GALNT1: variants seen among roughly 807,000 people sequenced by gnomAD.
GALNT1 encodes the protein polypeptide N-acetylgalactosaminyltransferase 1.
In GALNT1, 17 loss-of-function variants were observed where a neutral mutation model predicts 65.7. That is an observed-to-expected ratio of 0.26 (90% CI 0.18 to 0.39). GALNT1 has a LOEUF of 0.39. Ranked by LOEUF, GALNT1 falls within the 10% of genes least tolerant of loss-of-function variation. GALNT1 has a pLI of 1.00. For synonymous variants in GALNT1, 210 were observed against 219.7 expected (o/e 0.96, Z 0.39); for missense variants, 460 against 672.8 (o/e 0.68, Z 3.50).
chr18:35,656,862 C>G (rs2047395671), intron 2 of GALNT1, among the ~76,000 whole-genome samples: 1 of 152,044 alleles, frequency 6.6e-6, no homozygotes, highest in South Asian at 2.1e-4. Context: ...GGAACAGACA[C>G]TAAAATGACA....
chr18:35,584,851 C>T (rs1031021998), intron 1 of GALNT1, among the ~76,000 whole-genome samples: 1 of 152,206 alleles, frequency 6.6e-6, no homozygotes. Context: ...CGCTTGCCCA[C>T]TGCTCACCTC....
In GALNT1 at chr18:35,709,711, A is replaced by G; in HGVS notation, c.1621A>G (p.Asn541Asp). The G allele has an allele frequency of 1.2e-6, 2 of 1,614,074 alleles. No homozygotes were observed. Among genetic ancestry groups the G allele is most frequent in the South Asian group, 2.2e-5 (2 of 91,072 alleles). ...DSQVPSIRDC[N>D]GSRSQQWLLR... The stretch of plus-strand genomic sequence containing the variant: ...CCAGGTGCCCAGCATTAGAGACTGC[A>G]ATGGAAGTCGGTCCCAGCAGTGGCT... The change falls in exon 12 of 12, where the codon AAT becomes GAT. Residue 541 changes from asparagine to aspartate, a missense_variant. Physicochemically the swap from Asn to Asp is conservative, Grantham distance 23. Transcript: ENST00000269195.
At chr18:35,644,582 T>C (rs2047205888) in intron 1 of GALNT1, among the ~76,000 whole-genome samples, 1 of 152,232 alleles carries the variant, frequency 6.6e-6, no homozygotes, top group African/African-American at 2.4e-5. Flanking sequence ...TTTTTAATTA[T>C]ATGGAAAGCC....
chr18:35,637,554 A>G (rs1400776105), intron 1 of GALNT1, among the ~76,000 whole-genome samples: 1 of 152,240 alleles, frequency 6.6e-6, no homozygotes, highest in Non-Finnish European at 1.5e-5. Context: ...TGCAGAAGAA[A>G]AGTTTGAAGC....
At chr18:35,584,926 G>A (rs746225959) in intron 1 of GALNT1, among the ~76,000 whole-genome samples, 8 of 152,216 alleles carry the variant, frequency 5.3e-5, no homozygotes. Flanking sequence ...GGGGGTTGGG[G>A]ACCCCTGTAT....
intron 1 of GALNT1, among the ~76,000 whole-genome samples, chr18:35,611,063 G>C (rs1283921043): frequency 1.3e-5 from 2 of 152,034 alleles, no homozygotes; most frequent in Non-Finnish European, 2.9e-5. Context: ...ATAGGGTGGG[G>C]GTCTTTGTAC....
At chr18:35,611,495 A>G (rs914747149) in intron 1 of GALNT1, among the ~76,000 whole-genome samples, 6 of 152,210 alleles carry the variant, frequency 3.9e-5, no homozygotes, top group African/African-American at 1.4e-4. Context: ...TATTTATGTA[A>G]TCGAATGTTA....
chr18:35,675,431 A>G (rs2047697307), intron 3 of GALNT1, among the ~76,000 whole-genome samples: 2 of 152,154 alleles, frequency 1.3e-5, no homozygotes, highest in Non-Finnish European at 2.9e-5. Flanking sequence ...TCTGGATCCT[A>G]ATATTGCTTC....
chr18:35,657,075 A>G (rs1255206530), intron 2 of GALNT1, among the ~76,000 whole-genome samples: 1 of 150,072 alleles, frequency 6.7e-6, no homozygotes. Flanking sequence ...TGAGTTTGGA[A>G]TTTTTTTTTT....
chr18:35,587,814 GT>G (rs2143841608), intron 1 of GALNT1, among the ~76,000 whole-genome samples: 1 of 152,214 alleles, frequency 6.6e-6, no homozygotes, highest in African/African-American at 2.4e-5. Flanking sequence ...TCTCAGCACT[GT>G]TTTCTCTGTG....
At chr18:35,627,940 G>A (rs892745511) in intron 1 of GALNT1, among the ~76,000 whole-genome samples, 6 of 145,946 alleles carry the variant, frequency 4.1e-5, no homozygotes, top group African/African-American at 1.2e-4. Context: ...CTGGCTCGGA[G>A]GGTCCTACGC....
intron 9 of GALNT1, among the ~76,000 whole-genome samples, chr18:35,698,936 C>T (rs574752052): frequency 4.6e-5 from 7 of 152,150 alleles, no homozygotes; most frequent in African/African-American, 1.4e-4. Context: ...GAGCCGATGT[C>T]GCACCATTGC....
chr18:35,651,409 A>AT (rs2047309973), intron 1 of GALNT1, among the ~76,000 whole-genome samples: 1 of 152,196 alleles, frequency 6.6e-6, no homozygotes, highest in African/African-American at 2.4e-5. Flanking sequence ...TTTGTAATAT[A>AT]TTAATTTTTT....
At chr18:35,590,303 G>C (rs545596956) in intron 1 of GALNT1, among the ~76,000 whole-genome samples, 8 of 152,098 alleles carry the variant, frequency 5.3e-5, no homozygotes, top group Non-Finnish European at 1.0e-4. Flanking sequence ...CTTATAAATC[G>C]TTATGAGACT....
intron 1 of GALNT1, among the ~76,000 whole-genome samples, chr18:35,582,874 A>G (rs1211504638): frequency 5.9e-5 from 9 of 152,214 alleles, no homozygotes; most frequent in Admixed American, 1.3e-4. Context: ...TGGACTGTCC[A>G]GCGTGGGAGC....
chr18:35,589,041 G>A (rs1041704883), intron 1 of GALNT1, among the ~76,000 whole-genome samples: 13 of 152,014 alleles, frequency 8.6e-5, no homozygotes, highest in East Asian at 1.9e-4. Flanking sequence ...GTTTTAGCTC[G>A]CTTTGTTTTG....
At chr18:35,704,891 A>G (rs909894775) in intron 11 of GALNT1, among the ~76,000 whole-genome samples, 4 of 149,436 alleles carry the variant, frequency 2.7e-5, no homozygotes, top group African/African-American at 9.9e-5. Context: ...TGATCTGCCC[A>G]CCTCGGCCTC....
chr18:35,622,398 C>T (rs115774299), intron 1 of GALNT1, among the ~76,000 whole-genome samples: 112 of 152,222 alleles, frequency 7.4e-4, no homozygotes, highest in African/African-American at 2.4e-3. Context: ...ACTATAAGCA[C>T]ATGCCACCAT....
At chr18:35,657,462 G>T (rs542885186) in intron 2 of GALNT1, among the ~76,000 whole-genome samples, 11 of 152,326 alleles carry the variant, frequency 7.2e-5, no homozygotes, top group African/African-American at 2.6e-4. Flanking sequence ...TCGAGATGGA[G>T]AAAATAGATG....
Sources: gnomAD v4.1 joint callset for allele counts (sites outside exome capture counted in the v4.1 genomes callset) on GRCh38, gnomAD v4.1.1 for gene constraint, MANE v1.5 for transcripts, NCBI Gene and HGNC (gene_info 2026-07-23, HGNC 2026-07-21) for gene names.